TJP1: variants seen among roughly 807,000 people sequenced by gnomAD.
TJP1 encodes tight junction protein ZO-1.
TJP1 carries 43 observed loss-of-function variants against 194.2 expected under a neutral mutation model. That is an observed-to-expected ratio of 0.22 (90% CI 0.17 to 0.29). The LOEUF is 0.29. Ranked by LOEUF, TJP1 falls within the 10% of genes least tolerant of loss-of-function variation. The pLI, the probability that TJP1 is intolerant of heterozygous loss-of-function variation, is 1.00. For missense variants in TJP1, 1,971 were observed against 2,185.7 expected (o/e 0.90, Z 1.96); for synonymous variants, 801 against 779.0 (o/e 1.03, Z -0.47).
chr15:29,947,187 A>C (rs1003964271), intron 2 of TJP1, among the ~76,000 whole-genome samples: 9 of 152,226 alleles, frequency 5.9e-5, no homozygotes, highest in Non-Finnish European at 1.3e-4. Flanking sequence ...AAATGTCCCA[A>C]ATTAAAACTA....
intron 2 of TJP1, among the ~76,000 whole-genome samples, chr15:29,877,815 G>A (rs185264545): frequency 4.0e-5 from 6 of 150,504 alleles, no homozygotes; most frequent in African/African-American, 7.3e-5. Context: ...TTACAGGCGC[G>A]TGCCATCACG....
At chr15:29,723,241 T>C (rs1323149052) in intron 18 of TJP1, among the ~76,000 whole-genome samples, 1 of 152,178 alleles carries the variant, frequency 6.6e-6, no homozygotes. Context: ...CCACATCTCA[T>C]GTTGAATTAT....
chr15:29,805,627 A>C lies in TJP1; in HGVS notation c.28-4925T>G, dbSNP rs559010525. On this transcript the variant is annotated intron_variant, in intron 1 of 27. Coordinates refer to ENST00000614355, the MANE Select transcript of TJP1 (RefSeq NM_001330239.4). ...CCTCTCCCTCCCTAGGGGCTCAAAG[A>C]AGCAGCTGAGAACACTAAATGGTAT... Among the ~76,000 whole-genome samples the C allele has an allele frequency of 5.1e-4, 78 of 152,296 alleles. No individual in the cohort carries two copies. The South Asian group carries it at 8.9e-3, about 17-fold the overall frequency.
intron 1 of TJP1, chr15:29,820,678 G>A (rs957842325): frequency 1.4e-5 from 9 of 624,942 alleles, no homozygotes; most frequent in Non-Finnish European, 2.6e-5. Flanking sequence ...TTTCCTCCTA[G>A]GAAAGAAAGC....
At chr15:29,771,934 A>G in intron 4 of TJP1, 130 bp downstream of exon 4, 1 of 596,248 alleles carries the variant, frequency 1.7e-6, no homozygotes, top group East Asian at 3.0e-5. Context: ...GAAACACTCA[A>G]GTGTAAACAA....
intron 2 of TJP1, among the ~76,000 whole-genome samples, chr15:29,920,130 T>TGCC (rs2054309849): frequency 6.6e-6 from 1 of 152,182 alleles, no homozygotes; most frequent in Non-Finnish European, 1.5e-5. Flanking sequence ...GTAAGGAACC[T>TGCC]GCCCAGGGTC....
chr15:29,738,007 T>C (rs1354970034), intron 10 of TJP1, among the ~76,000 whole-genome samples: 1 of 152,150 alleles, frequency 6.6e-6, no homozygotes, highest in East Asian at 1.9e-4. Context: ...CATATAGTCA[T>C]TCAGCCTTTC....
chr15:29,900,231 C>A (rs1389949758), intron 2 of TJP1, among the ~76,000 whole-genome samples: 4 of 151,990 alleles, frequency 2.6e-5, no homozygotes. Flanking sequence ...GCCAGGGTGG[C>A]TGGAAAGAGC....
At chr15:29,831,554 A>G (rs1477652662) in intron 2 of TJP1, among the ~76,000 whole-genome samples, 1 of 152,230 alleles carries the variant, frequency 6.6e-6, no homozygotes, top group African/African-American at 2.4e-5. Context: ...CCTATATAGG[A>G]AAAGAGACCC....
chr15:29,896,566 A>G (rs2053483008), intron 2 of TJP1, among the ~76,000 whole-genome samples: 1 of 152,252 alleles, frequency 6.6e-6, no homozygotes, highest in Admixed American at 6.5e-5. Flanking sequence ...AACTGGGTTA[A>G]CAGGCAGAAG....
Position 29,733,711 on chromosome 15 carries a change from G to GAA in TJP1, c.1517-400_1517-399dup, listed in dbSNP as rs79752337. ...GTTTTGACTGCCCCATCTGTGTACT[G>GAA]AAAGGGTAAGGGGTGTGTGCTAGTG... On this transcript the variant is annotated intron_variant, in intron 12 of 27. Coordinates refer to ENST00000614355, the MANE Select transcript of TJP1 (RefSeq NM_001330239.4). Among the ~76,000 whole-genome samples, 656 of 152,272 alleles carry GAA rather than the reference G, an allele frequency of 4.3e-3. 30 individuals carry two copies. In the East Asian group the frequency reaches 0.1, roughly 24 times the overall value.
chr15:29,718,833 C>A lies in TJP1; in HGVS notation c.3309G>T (p.Arg1103=). 1 of 1,614,132 alleles carries A rather than the reference C, an allele frequency of 6.2e-7. No individual in the cohort carries two copies. The highest frequency in any genetic ancestry group is 8.5e-7 in the Non-Finnish European group (1 of 1,180,032). Reference sequence around the variant, plus strand: ...GAGAGTGCTGATTATCAAAAGGTGGCCGAGATGGGTAGGGCTGTTTGTCAT... The same window carrying A: ...GAGAGTGCTGATTATCAAAAGGTGGACGAGATGGGTAGGGCTGTTTGTCAT... ...YYDDKQPYPS[R]PPFDNQHSQD... is the part of the protein sequence containing the mutation. Residue 1103 remains arginine (R), a synonymous_variant, in exon 21 of 28, where the codon CGG becomes CGT. Coordinates refer to ENST00000614355, the MANE Select transcript of TJP1 (RefSeq NM_001330239.4).
chr15:29,788,378 T>C (rs995559957), intron 2 of TJP1, among the ~76,000 whole-genome samples: 10 of 152,206 alleles, frequency 6.6e-5, no homozygotes, highest in African/African-American at 1.4e-4. Flanking sequence ...CAATAAACCA[T>C]TGCCTAACCC....
chr15:29,771,665 C>T (rs905787053), intron 4 of TJP1, among the ~76,000 whole-genome samples: 1 of 151,976 alleles, frequency 6.6e-6, no homozygotes, highest in African/African-American at 2.4e-5. Context: ...ATTAGCCGGG[C>T]GTGGTGTCAA....
At chr15:29,759,036 T>C (rs2045828019) in intron 8 of TJP1, 1 of 152,234 alleles carries the variant, frequency 6.6e-6, no homozygotes. Context: ...TTTAGTAGAA[T>C]GCGAAACACT....
intron 2 of TJP1, among the ~76,000 whole-genome samples, chr15:29,799,233 G>A (rs2151873485): frequency 6.6e-6 from 1 of 152,150 alleles, no homozygotes; most frequent in South Asian, 2.1e-4. Context: ...CATAAGGTAA[G>A]AAGTTATTTT....
intron 4 of TJP1, among the ~76,000 whole-genome samples, chr15:29,767,250 T>G (rs577210511): frequency 6.6e-6 from 1 of 152,166 alleles, no homozygotes; most frequent in Non-Finnish European, 1.5e-5. Flanking sequence ...GTATTACACC[T>G]GCTGACTGAA....
At chr15:29,776,819 A>G (rs1240944680) in intron 2 of TJP1, among the ~76,000 whole-genome samples, 1 of 152,188 alleles carries the variant, frequency 6.6e-6, no homozygotes, top group Non-Finnish European at 1.5e-5. Flanking sequence ...TACTGAGCTT[A>G]TGGTGGCAGA....
At chr15:29,809,474 C>T (rs145091884) in intron 1 of TJP1, among the ~76,000 whole-genome samples, 2 of 152,280 alleles carry the variant, frequency 1.3e-5, no homozygotes, top group East Asian at 3.9e-4. Flanking sequence ...TGGGGGACCT[C>T]ATATGCCTAA....
Sources: allele counts gnomAD v4.1 joint callset (sites outside exome capture counted in the v4.1 genomes callset), GRCh38; gene constraint gnomAD v4.1.1; transcripts MANE v1.5; gene names NCBI Gene and HGNC (gene_info 2026-07-23, HGNC 2026-07-21).